The following PCDHGA2 variants were observed in gnomAD, a reference collection of about 807,000 sequenced individuals.
The protein encoded by PCDHGA2 is protocadherin gamma subfamily A, 2, also known as protocadherin gamma-A2.
PCDHGA2 carries 40 observed loss-of-function variants against 59.2 expected under a neutral mutation model. The ratio of observed to expected loss-of-function variants is 0.68; its 90% confidence interval spans 0.52 to 0.88. The LOEUF (loss-of-function observed/expected upper bound fraction) is 0.88, where lower values mean the gene tolerates loss of function less well. Ranked by LOEUF, PCDHGA2 falls within the 40% of genes least tolerant of loss-of-function variation. PCDHGA2 has a pLI of 0.00. For synonymous variants in PCDHGA2, 560 were observed against 526.0 expected (o/e 1.06, Z -0.89); for missense variants, 1,226 against 1,204.0 (o/e 1.02, Z -0.27).
intron 1 of PCDHGA2, among the ~76,000 whole-genome samples, chr5:141,468,747 T>A (rs2099176715): frequency 6.6e-6 from 1 of 151,990 alleles, no homozygotes; most frequent in South Asian, 2.1e-4. Context: ...GTGCCTGTAG[T>A]CCCAGCTACT....
intron 1 of PCDHGA2, among the ~76,000 whole-genome samples, chr5:141,470,591 G>A (rs1271473509): frequency 1.3e-5 from 2 of 152,132 alleles, no homozygotes; most frequent in African/African-American, 4.8e-5. Flanking sequence ...ATAGGCAGGC[G>A]ACCTGTGCGG....
chr5:141,476,535 T>C lies in PCDHGA2; in HGVS notation c.2425-18272T>C. 5 of 1,614,038 alleles carry C rather than the reference T, an allele frequency of 3.1e-6. No individual in the cohort carries two copies. The highest frequency in any genetic ancestry group is 4.2e-6 in the Non-Finnish European group (5 of 1,180,010). On this transcript the variant is annotated intron_variant, in intron 1 of 3. Coordinates refer to ENST00000394576, the MANE Select transcript of PCDHGA2 (RefSeq NM_018915.4). The surrounding 1 kb of genome is among the most constrained non-coding windows in gnomAD (Gnocchi z 7.6). ...AATCCTGCTTTCCCTACCCAGGAAA[T>C]GAAATTGGAGATTAGCGAGGCCGTG...
Position 141,414,566 on chromosome 5 carries a change from A to G in PCDHGA2, c.2424+73171A>G, listed in dbSNP as rs375828619. The stretch of plus-strand genomic sequence containing the variant: ...TTCTCTCAAGTCTCCTACTTTACCT[A>G]TATCCCAGAGAACAACGCCAGGGGT... On this transcript the variant is annotated intron_variant, in intron 1 of 3. Coordinates refer to ENST00000394576, the MANE Select transcript of PCDHGA2 (RefSeq NM_018915.4). The G allele has an allele frequency of 6.6e-5, 106 of 1,613,800 alleles. No homozygotes were observed. Among genetic ancestry groups the G allele is most frequent in the Non-Finnish European group, 8.4e-5 (99 of 1,179,878 alleles).
chr5:141,405,410 TTTTTGTTTTTTG>T lies in PCDHGA2; in HGVS notation c.2424+64025_2424+64036del, dbSNP rs1345529499. 4 of 1,557,296 alleles carry T rather than the reference TTTTTGTTTTTTG, an allele frequency of 2.6e-6. No individual in the cohort carries two copies. In the South Asian group the frequency reaches 4.6e-5, roughly 18 times the overall value. ...ATTTTTTTTCTTTCTTTCTTTTCTT[TTTTTGTTTTTTG>T]TTTTGTTTTGTTTTTGAGACAGAGT... On this transcript the variant is annotated intron_variant, in intron 1 of 3. Transcript: ENST00000394576.
At chr5:141,425,448 C>G (rs897473729) in intron 1 of PCDHGA2, among the ~76,000 whole-genome samples, 1 of 152,164 alleles carries the variant, frequency 6.6e-6, no homozygotes, top group African/African-American at 2.4e-5. Flanking sequence ...AAATAAAACA[C>G]CATCACATTT....
Position 141,432,479 on chromosome 5 carries a change from G to A in PCDHGA2, c.2425-62328G>A, listed in dbSNP as rs771261875. ...CGCCCTCCCCACGGACGGTTCCACT[G>A]GCGTGGAGCTGGCTCCCCGCTCCGC... On this transcript the variant is annotated intron_variant, in intron 1 of 3. Transcript: ENST00000394576. The surrounding 1 kb of genome is among the most constrained non-coding windows in gnomAD (Gnocchi z 6.0). The A allele has an allele frequency of 3.8e-5, 62 of 1,614,076 alleles. No individual in the cohort carries two copies. Among genetic ancestry groups the A allele is most frequent in the Non-Finnish European group, 4.9e-5 (58 of 1,180,052 alleles).
intron 1 of PCDHGA2, among the ~76,000 whole-genome samples, chr5:141,439,104 A>G (rs924055175): frequency 6.6e-6 from 1 of 151,676 alleles, no homozygotes; most frequent in African/African-American, 2.4e-5. Flanking sequence ...GAGGCAAGAG[A>G]ATCACTTGAA....
At chr5:141,352,545 AT>A (rs769407740) in intron 1 of PCDHGA2, 106 of 1,613,832 alleles carry the variant, frequency 6.6e-5, no homozygotes, top group Non-Finnish European at 8.2e-5. Flanking sequence ...ACAGAGTTTA[AT>A]TCTCTCAACC....
At chr5:141,360,482 T>C in intron 1 of PCDHGA2, 4 of 1,613,924 alleles carry the variant, frequency 2.5e-6, no homozygotes, top group Non-Finnish European at 3.4e-6. Flanking sequence ...CCACTAAATA[T>C]TTTCTACATA....
chr5:141,431,296 C>T lies in PCDHGA2; in HGVS notation c.2425-63511C>T, dbSNP rs2097358592. On this transcript the variant is annotated intron_variant, in intron 1 of 3. Transcript: ENST00000394576. The surrounding 1 kb of genome is among the most constrained non-coding windows in gnomAD (Gnocchi z 4.8). ...AGCTCAGCCCGAACACTCACTTCTC[C>T]CTCATCGTGCAAAATGGAGCCGACG... The T allele has an allele frequency of 1.9e-6, 3 of 1,614,018 alleles. No individual in the cohort carries two copies. Among genetic ancestry groups the T allele is most frequent in the Non-Finnish European group, 2.5e-6 (3 of 1,180,048 alleles).
At chr5:141,442,664 G>A (rs1289986124) in intron 1 of PCDHGA2, among the ~76,000 whole-genome samples, 2 of 152,342 alleles carry the variant, frequency 1.3e-5, no homozygotes, top group East Asian at 1.9e-4. Flanking sequence ...TATTTGGCAT[G>A]GTGAGCTTGA....
chr5:141,371,220 G>A (rs1172687028), intron 1 of PCDHGA2: 4 of 1,613,874 alleles, frequency 2.5e-6, no homozygotes, highest in South Asian at 1.1e-5. Flanking sequence ...CATCAATGCC[G>A]AAATCATCTA....
chr5:141,507,397 AC>A (rs1163501030), intron 3 of PCDHGA2: 1 of 152,144 alleles, frequency 6.6e-6, no homozygotes. Flanking sequence ...TGGCAACTCT[AC>A]CCCAGATGTC....
At chr5:141,426,830 C>A (rs559240163) in intron 1 of PCDHGA2, 301 of 456,662 alleles carry the variant, frequency 6.6e-4, no homozygotes, top group African/African-American at 5.8e-3. Flanking sequence ...TGATGATGGA[C>A]AAGACTAAAG....
In PCDHGA2 at chr5:141,489,681, A is replaced by T; in HGVS notation, c.2425-5126A>T. ...AGATGCGCATCTCAGAATCAGCAGC[A>T]TCTGGGGCACGATTCCCACTGGACA... On this transcript the variant is annotated intron_variant, in intron 1 of 3. Transcript: ENST00000394576. This position sits in a 1 kb window ranked among gnomAD's most constrained non-coding sequence, Gnocchi z 4.5. 1 of 1,614,174 alleles carries T rather than the reference A, an allele frequency of 6.2e-7. No individual in the cohort carries two copies. The highest frequency in any genetic ancestry group is 8.5e-7 in the Non-Finnish European group (1 of 1,180,010).
At position 141,339,446 on chromosome 5, in the gene PCDHGA2, G is replaced by A. The variant is rs867895826; in HGVS notation, c.475G>A (p.Asp159Asn). The A allele has an allele frequency of 6.2e-7, 1 of 1,614,226 alleles. No individual in the cohort carries two copies. ...CCGGATTCCTCTTAAGAATGCGCAT[G>A]ATGCAGACGTAGGTGAGAACGCCCT... Reference protein sequence around the residue: ...GFRIPLKNAHDADVGENALQK... With the variant: ...GFRIPLKNAHNADVGENALQK... The change falls in exon 1 of 4, where the codon GAT becomes AAT. Residue 159 changes from aspartate (D) to asparagine (N), a missense_variant. Asp to Asn is a conservative substitution (Grantham distance 23). Coordinates refer to ENST00000394576, the MANE Select transcript of PCDHGA2 (RefSeq NM_018915.4).
chr5:141,415,739 GGTTTTTT>G lies in PCDHGA2; in HGVS notation c.2424+74345_2424+74351del. 7.6e-5 allele frequency: 33 copies of G among 434,894 alleles called. No homozygotes were observed. In the African/African-American group the frequency reaches 8.5e-4, roughly 11 times the overall value. The allele number at this position is 434,894 out of a possible 1,614,324, so 26.9% of individuals were successfully genotyped here. A position where few individuals can be genotyped will look rare whatever the true frequency, so the allele number is the denominator to read the frequency against. On this transcript the variant is annotated intron_variant, in intron 1 of 3. Transcript: ENST00000394576. ...ATGAGTAGAATTTGATGTTTATTAA[GGTTTTTT>G]TTTTTTTTTTTTTTTTTTTTTTTTT...
chr5:141,348,400 C>T lies in PCDHGA2; in HGVS notation c.2424+7005C>T, dbSNP rs575477453. 4.0e-4 allele frequency among the ~76,000 whole-genome samples: 61 copies of T among 152,012 alleles called. No homozygotes were observed. The South Asian group carries it at 0.012, about 31-fold the overall frequency. On this transcript the variant is annotated intron_variant, in intron 1 of 3. Coordinates refer to ENST00000394576, the MANE Select transcript of PCDHGA2 (RefSeq NM_018915.4). The stretch of plus-strand genomic sequence containing the variant: ...CTTGGGCAACATAGCATGACCCTGT[C>T]TCAAAAGAAAAAGGCACGTAACTTT...
In PCDHGA2 at chr5:141,384,899, G is replaced by A; in HGVS notation, c.2424+43504G>A. On this transcript the variant is annotated intron_variant, in intron 1 of 3. Transcript: ENST00000394576. ...ACACTCACCGTGGCTGTGGCTGACA[G>A]CATCCCCGAAGTCTTGGCCGACCTG... The A allele has an allele frequency of 1.9e-6, 3 of 1,613,894 alleles. No homozygotes were observed. In the East Asian group the frequency reaches 6.7e-5, roughly 36 times the overall value.
Sources: gnomAD v4.1 joint callset for allele counts (sites outside exome capture counted in the v4.1 genomes callset) on GRCh38, gnomAD v4.1.1 for gene constraint, Gnocchi (gnomAD v3.1) non-coding constraint, MANE v1.5 for transcripts, NCBI Gene and HGNC (gene_info 2026-07-23, HGNC 2026-07-21) for gene names.